SDC2: variants seen among roughly 807,000 people sequenced by gnomAD.
SDC2 encodes the protein syndecan-2.
A neutral mutation model predicts 22.2 loss-of-function variants in SDC2; 13 were observed. The observed-to-expected ratio is 0.59, with a 90% confidence interval of 0.38 to 0.93. The LOEUF is 0.93. Ranked by LOEUF, SDC2 falls within the 40% of genes least tolerant of loss-of-function variation. The pLI is 0.00. For missense variants in SDC2, 235 were observed against 246.8 expected, an observed-to-expected ratio of 0.95 and a Z score of 0.32; for synonymous variants, 94 against 92.8, an observed-to-expected ratio of 1.01 and a Z score of -0.07.
At chr8:96,602,357 G>A (rs1261523577) in intron 2 of SDC2, 38 bp from the exon 3 acceptor site, 2 of 1,605,338 alleles carry the variant, frequency 1.2e-6, no homozygotes, top group East Asian at 4.5e-5. Context: ...TCTGTGTCAT[G>A]ATTGCCATGC....
At chr8:96,534,197 C>T in intron 1 of SDC2, among the ~76,000 whole-genome samples, 1 of 152,216 alleles carries the variant, frequency 6.6e-6, no homozygotes, top group East Asian at 1.9e-4. Flanking sequence ...TCTCCCTCCA[C>T]ACCTCCCTGC....
intron 1 of SDC2, 139 bp downstream of exon 1, chr8:96,494,470 G>A: frequency 1.4e-6 from 1 of 736,714 alleles, no homozygotes; most frequent in South Asian, 2.0e-5. Flanking sequence ...GGACAAATGC[G>A]CTCGTCCGGT....
At chr8:96,555,166 A>G (rs966499654) in intron 1 of SDC2, among the ~76,000 whole-genome samples, 2 of 151,992 alleles carry the variant, frequency 1.3e-5, no homozygotes, top group Non-Finnish European at 2.9e-5. Context: ...ATCTTTTGCC[A>G]GTTTTTTACC....
intron 1 of SDC2, among the ~76,000 whole-genome samples, chr8:96,508,033 A>G (rs1813268415): frequency 6.6e-6 from 1 of 152,112 alleles, no homozygotes; most frequent in South Asian, 2.1e-4. Flanking sequence ...GCGGTGGCTC[A>G]TGCCTGTAAT....
At chr8:96,567,733 G>C (rs369394495) in intron 1 of SDC2, among the ~76,000 whole-genome samples, 1 of 152,058 alleles carries the variant, frequency 6.6e-6, no homozygotes, top group Non-Finnish European at 1.5e-5. Context: ...GAATAATTTC[G>C]TTGTCATAGA....
At chr8:96,566,420 T>G (rs1006933930) in intron 1 of SDC2, among the ~76,000 whole-genome samples, 8 of 152,204 alleles carry the variant, frequency 5.3e-5, no homozygotes, top group African/African-American at 7.2e-5. Flanking sequence ...ATTAATTCAT[T>G]TGAATTCATT....
At chr8:96,550,217 G>A (rs1175499964) in intron 1 of SDC2, among the ~76,000 whole-genome samples, 1 of 152,114 alleles carries the variant, frequency 6.6e-6, no homozygotes, top group Non-Finnish European at 1.5e-5. Context: ...TTACAGGTTG[G>A]GGTTCCAAAA....
intron 1 of SDC2, among the ~76,000 whole-genome samples, chr8:96,505,306 A>G (rs1179881823): frequency 2.0e-5 from 3 of 151,924 alleles, no homozygotes; most frequent in Non-Finnish European, 4.4e-5. Flanking sequence ...TATTTTTATT[A>G]TTTTTATTTT....
At chr8:96,546,088 A>G (rs1469887301) in intron 1 of SDC2, among the ~76,000 whole-genome samples, 1 of 152,184 alleles carries the variant, frequency 6.6e-6, no homozygotes, top group Non-Finnish European at 1.5e-5. Flanking sequence ...ATTGCAAAGA[A>G]ATTTTCCATT....
chr8:96,556,765 T>C (rs1366187886), intron 1 of SDC2, among the ~76,000 whole-genome samples: 1 of 150,784 alleles, frequency 6.6e-6, no homozygotes, highest in Non-Finnish European at 1.5e-5. Context: ...AAAGCCAAAA[T>C]TGACAAATGG....
intron 1 of SDC2, among the ~76,000 whole-genome samples, chr8:96,592,579 T>C (rs1814799593): frequency 6.6e-6 from 1 of 152,186 alleles, no homozygotes; most frequent in South Asian, 2.1e-4. Context: ...TTTAAAGTCT[T>C]ATACCTCTAC....
chr8:96,609,590 T>A lies in SDC2; in HGVS notation c.*42T>A. 1 of 1,387,738 alleles carries A rather than the reference T, an allele frequency of 7.2e-7. No individual in the cohort carries two copies. The highest frequency in any genetic ancestry group is 9.6e-7 in the Non-Finnish European group (1 of 1,038,930). The allele number at this position is 1,387,738 out of a possible 1,614,324, so 86.0% of individuals were successfully genotyped here. A position where few individuals can be genotyped will look rare whatever the true frequency, so the allele number is the denominator to read the frequency against. Reference sequence around the variant, plus strand: ...CTCTATTTATGAGATCACTGAACTTTTCAAAATAAAGCTTTTGCATAGAAT... The same window carrying A: ...CTCTATTTATGAGATCACTGAACTTATCAAAATAAAGCTTTTGCATAGAAT... On this transcript the variant is annotated 3_prime_UTR_variant, in exon 5 of 5. Transcript: ENST00000302190.
chr8:96,520,205 A>G (rs926381396), intron 1 of SDC2, among the ~76,000 whole-genome samples: 4 of 152,222 alleles, frequency 2.6e-5, no homozygotes, highest in Admixed American at 6.5e-5. Flanking sequence ...TACAAATAGA[A>G]TCCATTTTAC....
intron 1 of SDC2, among the ~76,000 whole-genome samples, chr8:96,570,308 G>A (rs889934890): frequency 6.6e-6 from 1 of 152,148 alleles, no homozygotes; most frequent in African/African-American, 2.4e-5. Context: ...GATAGTACAG[G>A]ATCAAAGTGA....
chr8:96,526,051 T>C (rs1313793976), intron 1 of SDC2, among the ~76,000 whole-genome samples: 1 of 152,058 alleles, frequency 6.6e-6, no homozygotes, highest in East Asian at 1.9e-4. Context: ...AGTTTAACCG[T>C]CAAATGGTAG....
rs1813003021 is a variant in SDC2, at chr8:96,493,957, G to A, written c.-315G>A. The stretch of plus-strand genomic sequence containing the variant: ...CGGCACGGGAAAGGAGTCCGCGGAG[G>A]AGCAAAACCACAGCAGAGCAAGAAG... On this transcript the variant is annotated 5_prime_UTR_variant, in exon 1 of 5. Coordinates refer to ENST00000302190, the MANE Select transcript of SDC2 (RefSeq NM_002998.4). The A allele has an allele frequency of 4.8e-6, 2 of 418,336 alleles. No individual in the cohort carries two copies. The highest frequency in any genetic ancestry group is 8.4e-6 in the Non-Finnish European group (2 of 237,156). 25.9% of individuals were successfully genotyped at this position (418,336 alleles called of 1,614,324 possible).
intron 1 of SDC2, chr8:96,538,858 A>AG (rs11423581): frequency 0.57 from 87,150 of 152,016 alleles, 26,616 homozygotes; most frequent in Non-Finnish European, 0.7. Context: ...TTACCTGTCC[A>AG]CTAATCAAGG....
intron 1 of SDC2, among the ~76,000 whole-genome samples, chr8:96,517,801 G>A (rs2514780): frequency 0.17 from 17,546 of 103,314 alleles, 2,257 homozygotes; most frequent in African/African-American, 0.39. Context: ...GTGTGTGTGT[G>A]TATATATATA....
chr8:96,560,827 C>T (rs935692293), intron 1 of SDC2, among the ~76,000 whole-genome samples: 11 of 152,056 alleles, frequency 7.2e-5, no homozygotes, highest in African/African-American at 2.7e-4. Flanking sequence ...AGAGATATGC[C>T]GGGCGTGATG....
Sources: gnomAD v4.1 joint callset for allele counts (sites outside exome capture counted in the v4.1 genomes callset) on GRCh38, gnomAD v4.1.1 for gene constraint, MANE v1.5 for transcripts, NCBI Gene and HGNC (gene_info 2026-07-23, HGNC 2026-07-21) for gene names.